The following SLC36A4 variants were observed in gnomAD, a reference collection of about 807,000 sequenced individuals.
SLC36A4 encodes the protein solute carrier family 36 member 4, also known as neutral amino acid uniporter 4.
SLC36A4 carries 49 observed loss-of-function variants against 50.5 expected under a neutral mutation model. That is an observed-to-expected ratio of 0.97 (90% CI 0.77 to 1.23). SLC36A4 has a LOEUF of 1.23. SLC36A4 is among the 50% of genes most tolerant of loss of function. The pLI, the probability that SLC36A4 is intolerant of heterozygous loss-of-function variation, is 0.00. For missense variants in SLC36A4, 611 were observed against 608.4 expected, an observed-to-expected ratio of 1.00 and a Z score of -0.05; for synonymous variants, 207 against 206.5, an observed-to-expected ratio of 1.00 and a Z score of -0.02.
In SLC36A4 at chr11:93,154,151, T is replaced by C; in HGVS notation, c.1164A>G (p.Gln388=). 1 of 1,561,456 alleles carries C rather than the reference T, an allele frequency of 6.4e-7. No individual in the cohort carries two copies. Among genetic ancestry groups the C allele is most frequent in the South Asian group, 1.3e-5 (1 of 78,936 alleles). ...AGGATCTTATCCCAAATTCACAGATTTGCTTCCATTTAGTATGAAATTTGG... is the reference window on the plus strand; with the variant it reads ...AGGATCTTATCCCAAATTCACAGATCTGCTTCCATTTAGTATGAAATTTGG... ...ITSKFHTKWK[Q]ICEFGIRSFL... is the part of the protein sequence containing the mutation. The change falls in exon 10 of 11, where the codon CAA becomes CAG. Residue 388 remains glutamine, a synonymous_variant. Transcript: ENST00000326402.
At chr11:93,184,756 G>A (rs138598212) in intron 2 of SLC36A4, among the ~76,000 whole-genome samples, 5,997 of 152,110 alleles carry the variant, frequency 0.039, 157 homozygotes, top group Non-Finnish European at 0.064. Context: ...TGAAATATCC[G>A]CCAAACAAGA....
chr11:93,144,823 G>A lies in SLC36A4; in HGVS notation c.*3714C>T, dbSNP rs957538457. On this transcript the variant is annotated 3_prime_UTR_variant, in exon 11 of 11. Transcript: ENST00000326402. ...TTCTCAAATTTTCTTATTAAGGGAA[G>A]CTAGGTGAGCCAAAAAGATCAGACT... 1 of 152,032 alleles carries A rather than the reference G, an allele frequency of 6.6e-6. No individual in the cohort carries two copies. The highest frequency in any genetic ancestry group is 2.4e-5 in the African/African-American group (1 of 41,436). The allele number at this position is 152,032 out of a possible 1,614,324, so 9.4% of individuals were successfully genotyped here.
chr11:93,153,252 A>G (rs1295439636), intron 10 of SLC36A4, among the ~76,000 whole-genome samples: 3 of 152,050 alleles, frequency 2.0e-5, no homozygotes, highest in Non-Finnish European at 2.9e-5. Flanking sequence ...AACACTAGTA[A>G]TCTGGTCCCT....
intron 1 of SLC36A4, among the ~76,000 whole-genome samples, chr11:93,191,132 TAATA>T (rs1355670709): frequency 3.9e-5 from 6 of 152,350 alleles, no homozygotes; most frequent in African/African-American, 1.2e-4. Context: ...AACATTAGAT[TAATA>T]AATAGAGTCA....
In SLC36A4 at chr11:93,148,839, C is replaced by T. The variant is rs77563026; in HGVS notation, c.1213G>A (p.Gly405Arg). Residue 405 changes from glycine to arginine, a missense_variant, in exon 11 of 11, where the codon GGA (glycine) becomes AGA (arginine). Coordinates refer to ENST00000326402, the MANE Select transcript of SLC36A4 (RefSeq NM_152313.4). ...TCTAAACGAGGAATAAGAATTGCTC[C>T]GGCACCTAGAAAATGAAAATACATT... ...RSFLVSITCA[G>R]AILIPRLDIV... 1.1e-4 allele frequency: 171 copies of T among 1,597,728 alleles called. 1 individual carries two copies. The South Asian group carries it at 1.2e-3, about 11-fold the overall frequency.
At chr11:93,182,944 T>A in intron 3 of SLC36A4, 50 bp from the exon 4 acceptor site, 1 of 1,307,784 alleles carries the variant, frequency 7.6e-7, no homozygotes, top group Non-Finnish European at 1.1e-6. Flanking sequence ...AGAAATTGAG[T>A]AATCTTATAA....
rs185255906 is a variant in SLC36A4 at position 93,161,749 on chromosome 11, G to A, written c.1037+957C>T. 7.9e-5 allele frequency among the ~76,000 whole-genome samples: 12 copies of A among 152,238 alleles called. 1 individual carries two copies. The highest frequency in any genetic ancestry group is 4.1e-4 in the South Asian group (2 of 4,822). The stretch of plus-strand genomic sequence containing the variant: ...GTAGTGTGACAATAATTCAATCAGC[G>A]ATTCCAAATTTATTCTTTGCGTATG... On this transcript the variant is annotated intron_variant, in intron 9 of 10. Coordinates refer to ENST00000326402, the MANE Select transcript of SLC36A4 (RefSeq NM_152313.4).
At chr11:93,154,875 G>A (rs765226653) in intron 9 of SLC36A4, 1 of 152,066 alleles carries the variant, frequency 6.6e-6, no homozygotes, top group African/African-American at 2.4e-5. Flanking sequence ...GGGTAAGGTT[G>A]TTGTTATTCT....
intron 1 of SLC36A4, among the ~76,000 whole-genome samples, chr11:93,192,787 C>A (rs1178795300): frequency 6.6e-6 from 1 of 152,124 alleles, no homozygotes; most frequent in East Asian, 1.9e-4. Flanking sequence ...CTGAACAGCA[C>A]AGCACTAGAG....
At chr11:93,177,196 T>C (rs2134683022) in intron 6 of SLC36A4, among the ~76,000 whole-genome samples, 1 of 152,182 alleles carries the variant, frequency 6.6e-6, no homozygotes, top group East Asian at 1.9e-4. Context: ...ATTTCATTCA[T>C]TTGATCTTCA....
intron 6 of SLC36A4, among the ~76,000 whole-genome samples, chr11:93,172,945 C>A (rs1338312238): frequency 6.6e-6 from 1 of 150,470 alleles, no homozygotes; most frequent in Admixed American, 6.6e-5. Context: ...ATTTATAGTC[C>A]TTTGGGTATA....
chr11:93,147,859 A>G lies in SLC36A4; in HGVS notation c.*678T>C, dbSNP rs1312148036. ...ACGAAAAACAAGGGAGTTGCACTGG[A>G]TAAGTTTTAAAGTCCCTTTTCAAAT... On this transcript the variant is annotated 3_prime_UTR_variant, in exon 11 of 11. Transcript: ENST00000326402. 3.3e-5 allele frequency: 5 copies of G among 152,096 alleles called. No individual in the cohort carries two copies. Among genetic ancestry groups the G allele is most frequent in the African/African-American group, 7.2e-5 (3 of 41,432 alleles). The allele number at this position is 152,096 out of a possible 1,614,324, so 9.4% of individuals were successfully genotyped here.
At chr11:93,184,387 T>C in intron 3 of SLC36A4, 43 bp downstream of exon 3, 1 of 1,219,200 alleles carries the variant, frequency 8.2e-7, no homozygotes. Context: ...TAAATGAGAC[T>C]GAGAACTGCA....
intron 1 of SLC36A4, among the ~76,000 whole-genome samples, chr11:93,189,956 G>A (rs1397833563): frequency 1.3e-5 from 2 of 152,110 alleles, no homozygotes; most frequent in East Asian, 3.9e-4. Context: ...ACAGAATTAA[G>A]TTTTTAAAAA....
intron 7 of SLC36A4, 121 bp from the exon 8 acceptor site, chr11:93,166,137 A>G: frequency 1.6e-6 from 2 of 1,255,216 alleles, no homozygotes; most frequent in Non-Finnish European, 2.1e-6. Flanking sequence ...ATAAAATTGA[A>G]TAATTGTTTC....
At chr11:93,168,199 A>C in intron 6 of SLC36A4, 28 bp from the exon 7 acceptor site, 1 of 1,452,124 alleles carries the variant, frequency 6.9e-7, no homozygotes, top group Non-Finnish European at 9.4e-7. Context: ...GAGAATAAAG[A>C]AGGGGGAAAA....
rs747384324 is a variant in SLC36A4 at position 93,156,977 on chromosome 11, G to A, written c.1038-2700C>T. On this transcript the variant is annotated intron_variant, in intron 9 of 10. Coordinates refer to ENST00000326402, the MANE Select transcript of SLC36A4 (RefSeq NM_152313.4). ...TCTTCCAGGGTTTTTATAGTCTGGG[G>A]TTTCACATTTAAGCCTTTACTCCAT... Among the ~76,000 whole-genome samples the A allele has an allele frequency of 1.7e-4, 26 of 152,124 alleles. 1 individual carries two copies. The highest frequency in any genetic ancestry group is 6.5e-5 in the Admixed American group (1 of 15,272).
intron 3 of SLC36A4, 130 bp from the exon 4 acceptor site, chr11:93,183,024 T>C: frequency 1.6e-6 from 1 of 623,892 alleles, no homozygotes; most frequent in Admixed American, 3.3e-5. Context: ...AGTCATTGCA[T>C]AAGGGAAAAC....
intron 9 of SLC36A4, among the ~76,000 whole-genome samples, chr11:93,162,141 G>A (rs547744783): frequency 1.7e-3 from 255 of 152,178 alleles, no homozygotes; most frequent in African/African-American, 5.9e-3. Flanking sequence ...ATTAAAACGT[G>A]TCCATATTAA....
Sources: gnomAD v4.1 joint callset for allele counts (sites outside exome capture counted in the v4.1 genomes callset) on GRCh38, gnomAD v4.1.1 for gene constraint, MANE v1.5 for transcripts, NCBI Gene and HGNC (gene_info 2026-07-23, HGNC 2026-07-21) for gene names.